Variants in SCOC observed in about 807,000 individuals in gnomAD.
The protein encoded by SCOC is short coiled coil protein.
A neutral mutation model predicts 9.9 loss-of-function variants in SCOC; 7 were observed. The observed-to-expected ratio is 0.71, with a 90% confidence interval of 0.40 to 1.33. The LOEUF is 1.33. Among genes scored for constraint, SCOC ranks in the 40% most tolerant of loss-of-function variants. SCOC has a pLI of 0.01. For missense variants in SCOC, 66 were observed against 89.7 expected, an observed-to-expected ratio of 0.74 and a Z score of 1.07; for synonymous variants, 19 against 28.2, an observed-to-expected ratio of 0.67 and a Z score of 1.03.
At chr4:140,314,865 C>A (rs904921519) in intron 1 of SCOC, among the ~76,000 whole-genome samples, 2 of 151,992 alleles carry the variant, frequency 1.3e-5, no homozygotes, top group South Asian at 2.1e-4. Context: ...CTCCACCCCC[C>A]CACCAAGTTC....
intron 1 of SCOC, among the ~76,000 whole-genome samples, chr4:140,292,191 T>A (rs889152077): frequency 6.8e-5 from 7 of 102,228 alleles, no homozygotes; most frequent in South Asian, 2.6e-4. Flanking sequence ...CTCTTCTGGT[T>A]TTTTTTTTTT....
intron 1 of SCOC, among the ~76,000 whole-genome samples, chr4:140,307,159 G>C (rs1349545685): frequency 6.6e-6 from 1 of 152,180 alleles, no homozygotes; most frequent in African/African-American, 2.4e-5. Flanking sequence ...CTGGTGTCTT[G>C]ATCTTGGACT....
chr4:140,287,022 A>G (rs1731292135), intron 1 of SCOC, among the ~76,000 whole-genome samples: 2 of 152,102 alleles, frequency 1.3e-5, no homozygotes, highest in Admixed American at 1.3e-4. Flanking sequence ...TATACCATAT[A>G]CCACACATGT....
chr4:140,326,691 C>T (rs1732659263), intron 1 of SCOC, among the ~76,000 whole-genome samples: 3 of 152,098 alleles, frequency 2.0e-5, no homozygotes, highest in Non-Finnish European at 2.9e-5. Flanking sequence ...CCGTGGACTT[C>T]TAATGCTAAA....
intron 1 of SCOC, among the ~76,000 whole-genome samples, chr4:140,305,995 A>C (rs1021280600): frequency 6.6e-6 from 1 of 152,216 alleles, no homozygotes; most frequent in African/African-American, 2.4e-5. Flanking sequence ...GAGAGAAAAA[A>C]TAATAATTAA....
At chr4:140,352,021 G>A (rs1334267683) in intron 2 of SCOC, among the ~76,000 whole-genome samples, 2 of 152,228 alleles carry the variant, frequency 1.3e-5, no homozygotes, top group Non-Finnish European at 2.9e-5. Flanking sequence ...CATCTTGGGA[G>A]ACAACTGCGC....
chr4:140,321,040 TA>T (rs1732486278), intron 1 of SCOC, among the ~76,000 whole-genome samples: 2 of 152,198 alleles, frequency 1.3e-5, no homozygotes, highest in Admixed American at 1.3e-4. Context: ...CTCCGGAGGA[TA>T]GTGCAAAGGG....
intron 2 of SCOC, among the ~76,000 whole-genome samples, chr4:140,363,486 A>G (rs1727661235): frequency 6.6e-6 from 1 of 152,264 alleles, no homozygotes; most frequent in South Asian, 2.1e-4. Context: ...AGTCTGTGTT[A>G]CTATTACCAT....
intron 2 of SCOC, among the ~76,000 whole-genome samples, chr4:140,365,244 T>C (rs1727740875): frequency 6.7e-6 from 1 of 149,620 alleles, no homozygotes; most frequent in Admixed American, 6.6e-5. Flanking sequence ...AGCTAACAGA[T>C]ACCACAGCAG....
intron 2 of SCOC, among the ~76,000 whole-genome samples, chr4:140,367,937 G>A (rs896949289): frequency 6.6e-6 from 1 of 152,180 alleles, no homozygotes; most frequent in East Asian, 1.9e-4. Context: ...CTCACTGGTA[G>A]TGTTGTTTGA....
chr4:140,275,213 A>T (rs779050297), intron 1 of SCOC, among the ~76,000 whole-genome samples: 3 of 152,238 alleles, frequency 2.0e-5, no homozygotes, highest in Non-Finnish European at 4.4e-5. Flanking sequence ...ATACACAGAT[A>T]TAATGACCCT....
chr4:140,330,757 A>G (rs1484816243), intron 1 of SCOC, among the ~76,000 whole-genome samples: 1 of 152,220 alleles, frequency 6.6e-6, no homozygotes, highest in Non-Finnish European at 1.5e-5. Flanking sequence ...CCTTGTGAGG[A>G]TATGGACATG....
At chr4:140,350,523 C>T (rs1726932124) in intron 2 of SCOC, among the ~76,000 whole-genome samples, 1 of 152,230 alleles carries the variant, frequency 6.6e-6, no homozygotes, top group Non-Finnish European at 1.5e-5. Flanking sequence ...TTTCTATCCA[C>T]ACTTCTGGGT....
chr4:140,295,841 G>C (rs536028954), intron 1 of SCOC, among the ~76,000 whole-genome samples: 1 of 146,788 alleles, frequency 6.8e-6, no homozygotes, highest in African/African-American at 2.6e-5. Context: ...TGAGGCAGGA[G>C]AATGGCGTGA....
At chr4:140,271,412 T>C (rs572835534) in intron 1 of SCOC, among the ~76,000 whole-genome samples, 7 of 152,370 alleles carry the variant, frequency 4.6e-5, no homozygotes, top group African/African-American at 1.7e-4. Context: ...AGACAGAAGT[T>C]GGATGCAGCT....
intron 1 of SCOC, among the ~76,000 whole-genome samples, chr4:140,375,194 G>C (rs1395523060): frequency 6.6e-6 from 1 of 152,162 alleles, no homozygotes; most frequent in East Asian, 1.9e-4. Flanking sequence ...CTTTGGCCTT[G>C]ATTTTGTAAA....
intron 1 of SCOC, among the ~76,000 whole-genome samples, chr4:140,274,741 A>G (rs927131645): frequency 6.6e-6 from 1 of 152,212 alleles, no homozygotes; most frequent in African/African-American, 2.4e-5. Context: ...GCTTCCTAAA[A>G]TACAACTTTC....
At chr4:140,304,719 T>C (rs943929232) in intron 1 of SCOC, among the ~76,000 whole-genome samples, 20 of 152,238 alleles carry the variant, frequency 1.3e-4, no homozygotes, top group Non-Finnish European at 2.2e-4. Flanking sequence ...GGCTGGTCTT[T>C]GGGAAGGGGA....
chr4:140,350,492 C>T (rs1472118252), intron 2 of SCOC, among the ~76,000 whole-genome samples: 1 of 152,206 alleles, frequency 6.6e-6, no homozygotes, highest in Non-Finnish European at 1.5e-5. Flanking sequence ...TTTTTAGACA[C>T]TTCTTTTCTA....
Sources: gnomAD v4.1 joint callset for allele counts (sites outside exome capture counted in the v4.1 genomes callset) on GRCh38, gnomAD v4.1.1 for gene constraint, MANE v1.5 for transcripts, NCBI Gene and HGNC (gene_info 2026-07-23, HGNC 2026-07-21) for gene names.